STK3: variants seen among roughly 807,000 people sequenced by gnomAD.
STK3 encodes serine/threonine kinase 3.
Under a neutral mutation model 58.0 loss-of-function variants are expected in STK3, and 41 were observed. The ratio of observed to expected loss-of-function variants is 0.71; its 90% CI spans 0.55 to 0.92. The LOEUF is 0.92. Ranked by LOEUF, STK3 falls within the 40% of genes least tolerant of loss-of-function variation. The pLI is 0.00. For missense variants in STK3, 479 were observed against 602.7 expected, an observed-to-expected ratio of 0.79 and a Z score of 2.15; for synonymous variants, 170 against 191.0, an observed-to-expected ratio of 0.89 and a Z score of 0.91.
At chr8:98,923,038 G>T (rs1407303546) in intron 1 of STK3, among the ~76,000 whole-genome samples, 3 of 152,158 alleles carry the variant, frequency 2.0e-5, no homozygotes, top group African/African-American at 7.2e-5. Context: ...GAGCACTAGG[G>T]TATACACCAT....
chr8:98,389,409 C>A (rs1256369673), upstream of STK3, among the ~76,000 whole-genome samples: 1 of 152,178 alleles, frequency 6.6e-6, no homozygotes, highest in Non-Finnish European at 1.5e-5. Context: ...AAGTCTAGCA[C>A]AATGCTTAAT....
chr8:98,574,945 C>CT (rs933719879), intron 8 of STK3, among the ~76,000 whole-genome samples: 81 of 151,292 alleles, frequency 5.4e-4, no homozygotes, highest in African/African-American at 1.8e-3. Flanking sequence ...TCCTGTCTTC[C>CT]TTTTTTTTTA....
At chr8:98,476,964 G>A (rs1050845736) in intron 10 of STK3, among the ~76,000 whole-genome samples, 2 of 152,146 alleles carry the variant, frequency 1.3e-5, no homozygotes, top group African/African-American at 4.8e-5. Flanking sequence ...AGAACTCTCT[G>A]ACCTTTCTTC....
At chr8:98,859,091 T>G (rs1836827447) in intron 3 of STK3, among the ~76,000 whole-genome samples, 1 of 152,162 alleles carries the variant, frequency 6.6e-6, no homozygotes, top group Non-Finnish European at 1.5e-5. Context: ...ATTTATTTGA[T>G]TTTTGGAAAA....
At chr8:98,732,959 G>A (rs1828315899) in intron 4 of STK3, among the ~76,000 whole-genome samples, 4 of 152,114 alleles carry the variant, frequency 2.6e-5, no homozygotes, top group Admixed American at 2.6e-4. Flanking sequence ...CCTAAAATGT[G>A]GCAATGATTT....
chr8:98,423,726 T>A (rs763055952), intron 3 of STK3, among the ~76,000 whole-genome samples: 6 of 152,116 alleles, frequency 3.9e-5, no homozygotes, highest in Non-Finnish European at 7.4e-5. Flanking sequence ...CAGTGGGGAA[T>A]GTAGGTCAGG....
At position 98,803,781 on chromosome 8, in the gene STK3, T is replaced by G. The variant is rs534082836; in HGVS notation, c.26+21734A>C. On this transcript the variant is annotated intron_variant, in intron 1 of 10. Coordinates refer to ENST00000419617, the MANE Select transcript of STK3 (RefSeq NM_006281.4). ...AATTATAAAATCAGTTTTAAAAAAT[T>G]AGTCCATTATATTCATTCAATACAC... Among the ~76,000 whole-genome samples, 22 of 152,190 alleles carry G rather than the reference T, an allele frequency of 1.4e-4. No homozygotes were observed. In the East Asian group the frequency reaches 3.3e-3, roughly 23 times the overall value.
chr8:98,553,057 C>G (rs79681196), intron 8 of STK3, among the ~76,000 whole-genome samples: 2,707 of 152,190 alleles, frequency 0.018, 50 homozygotes, highest in South Asian at 0.076. Context: ...AAGAGTAGAG[C>G]CTCTAACTCT....
At chr8:98,909,248 A>T (rs780573681) in intron 1 of STK3, among the ~76,000 whole-genome samples, 11 of 152,212 alleles carry the variant, frequency 7.2e-5, no homozygotes, top group Non-Finnish European at 1.6e-4. Flanking sequence ...TGGCCGTGGA[A>T]TTTTTATTAT....
chr8:98,613,337 C>T lies in STK3; in HGVS notation c.685-17168G>A, dbSNP rs143024322. Among the ~76,000 whole-genome samples the T allele has an allele frequency of 5.9e-3, 888 of 151,692 alleles. 5 individuals are homozygous for T. The highest frequency in any genetic ancestry group is 0.01 in the Middle Eastern group (3 of 292). ...AAAAATTACTCATCAGACCAAGAGT[C>T]AAAAAAATCACAAACTGACCAAAAA... On this transcript the variant is annotated intron_variant, in intron 6 of 10. Coordinates refer to ENST00000419617, the MANE Select transcript of STK3 (RefSeq NM_006281.4).
chr8:98,625,781 T>G (rs892985911), intron 6 of STK3, among the ~76,000 whole-genome samples: 1 of 152,292 alleles, frequency 6.6e-6, no homozygotes, highest in South Asian at 2.1e-4. Context: ...GAAAAAGAAG[T>G]GTTTGTCGTA....
At chr8:98,695,990 C>G (rs1253533013) in intron 6 of STK3, among the ~76,000 whole-genome samples, 1 of 152,000 alleles carries the variant, frequency 6.6e-6, no homozygotes, top group South Asian at 2.1e-4. Context: ...TTCTTCCTAC[C>G]CATGAGCATG....
At chr8:98,561,416 CAG>C (rs1237096616) in intron 8 of STK3, among the ~76,000 whole-genome samples, 2 of 151,930 alleles carry the variant, frequency 1.3e-5, no homozygotes, top group Non-Finnish European at 2.9e-5. Flanking sequence ...GAAGAAAACT[CAG>C]GAGAAAATCT....
intron 6 of STK3, among the ~76,000 whole-genome samples, chr8:98,673,023 CCAAAAATAT>C (rs1360463116): frequency 6.6e-6 from 1 of 151,920 alleles, no homozygotes; most frequent in Non-Finnish European, 1.5e-5. Context: ...GTATTTAGTT[CCAAAAATAT>C]CAAAAATATC....
chr8:98,769,153 A>C (rs911789883), intron 2 of STK3, among the ~76,000 whole-genome samples: 2 of 152,224 alleles, frequency 1.3e-5, no homozygotes, highest in Non-Finnish European at 2.9e-5. Flanking sequence ...CCTTGATAGC[A>C]ATATAGTTTT....
chr8:98,605,589 C>A (rs1371129971), intron 6 of STK3, among the ~76,000 whole-genome samples: 1 of 151,996 alleles, frequency 6.6e-6, no homozygotes, highest in Non-Finnish European at 1.5e-5. Context: ...CTTCGCCCTG[C>A]CCCCAGCTAT....
intron 10 of STK3, among the ~76,000 whole-genome samples, chr8:98,457,350 T>C (rs1410132753): frequency 6.6e-6 from 1 of 152,192 alleles, no homozygotes; most frequent in Admixed American, 6.5e-5. Context: ...ACTGTACACA[T>C]CGGTAATGGC....
intron 1 of STK3, among the ~76,000 whole-genome samples, chr8:98,934,886 C>T (rs142945007): frequency 0.013 from 1,840 of 145,492 alleles, 21 homozygotes; most frequent in Non-Finnish European, 0.017. Flanking sequence ...CACTGCACTC[C>T]AGCCTGGGCA....
chr8:98,553,869 G>A (rs1212160409), intron 8 of STK3, among the ~76,000 whole-genome samples: 1 of 151,908 alleles, frequency 6.6e-6, no homozygotes, highest in Non-Finnish European at 1.5e-5. Context: ...GAAGGCTGAT[G>A]CAGGAGAATC....
Sources: gnomAD v4.1 joint callset for allele counts (sites outside exome capture counted in the v4.1 genomes callset) on GRCh38, gnomAD v4.1.1 for gene constraint, MANE v1.5 for transcripts, NCBI Gene and HGNC (gene_info 2026-07-23, HGNC 2026-07-21) for gene names.